Variants in ACSM2B observed in about 807,000 individuals in gnomAD.
ACSM2B encodes the protein acyl-CoA synthetase medium chain family member 2B.
ACSM2B carries 58 observed loss-of-function variants against 78.6 expected under a neutral mutation model. That is an observed-to-expected ratio of 0.74 (90% CI 0.60 to 0.92). ACSM2B has a LOEUF of 0.92. Ranked by LOEUF, ACSM2B falls within the 40% of genes least tolerant of loss-of-function variation. The pLI is 0.00. For synonymous variants in ACSM2B, 257 were observed against 256.8 expected, an observed-to-expected ratio of 1.00 and a Z score of -0.01; for missense variants, 688 against 711.2, an observed-to-expected ratio of 0.97 and a Z score of 0.37.
At chr16:20,570,908 A>T (rs1464047507) in intron 1 of ACSM2B, among the ~76,000 whole-genome samples, 1 of 151,780 alleles carries the variant, frequency 6.6e-6, no homozygotes, top group Non-Finnish European at 1.5e-5. Flanking sequence ...CTGTGGTATC[A>T]GTTGTAATAT....
chr16:20,571,093 T>C (rs929942520), intron 1 of ACSM2B, among the ~76,000 whole-genome samples: 6 of 152,084 alleles, frequency 3.9e-5, no homozygotes, highest in African/African-American at 1.4e-4. Context: ...TCTTGGTTAT[T>C]TCCTTTCTTA....
At chr16:20,545,125 G>A in intron 10 of ACSM2B, 32 bp downstream of exon 10, 3 of 1,595,566 alleles carry the variant, frequency 1.9e-6, no homozygotes, top group Non-Finnish European at 2.6e-6. Context: ...ATCCTCACTG[G>A]GGAACAGAGG....
chr16:20,540,536 T>G lies in ACSM2B; in HGVS notation c.1629+118A>C. 2.7e-6 allele frequency: 4 copies of G among 1,506,284 alleles called. No homozygotes were observed. The Admixed American group carries it at 5.8e-5, about 22-fold the overall frequency. The allele number at this position is 1,506,284 out of a possible 1,614,324, so 93.3% of individuals were successfully genotyped here. Reference sequence around the variant, plus strand: ...GGGATTGCAGGTGTCAGCCACCATGTCCGGCCCAGGAAGACTTTTTAAAAT... The same window carrying G: ...GGGATTGCAGGTGTCAGCCACCATGGCCGGCCCAGGAAGACTTTTTAAAAT... On this transcript the variant is annotated intron_variant, in intron 13 of 13. Coordinates refer to ENST00000329697, the MANE Select transcript of ACSM2B (RefSeq NM_001105069.2).
chr16:20,544,593 T>C, intron 10 of ACSM2B: 1 of 985,374 alleles, frequency 1.0e-6, no homozygotes. Flanking sequence ...GGCATGCCCT[T>C]GGGTTCTTCT....
At chr16:20,574,717 G>A (rs2016196778) in intron 1 of ACSM2B, 1 of 147,348 alleles carries the variant, frequency 6.8e-6, no homozygotes. Context: ...GGCTGTGCAT[G>A]CACCTTTCAT....
intron 6 of ACSM2B, among the ~76,000 whole-genome samples, chr16:20,551,931 A>G (rs9940632): frequency 0.13 from 20,233 of 152,122 alleles, 2,972 homozygotes; most frequent in African/African-American, 0.37. Context: ...TCTCCTGAAC[A>G]TACTCCTTTT....
chr16:20,542,464 A>G lies in ACSM2B; in HGVS notation c.1509+450T>C, dbSNP rs570730539. 7.2e-4 allele frequency: 115 copies of G among 159,376 alleles called. 1 individual carries two copies. Among genetic ancestry groups the G allele is most frequent in the African/African-American group, 2.6e-3 (110 of 41,664 alleles). 9.9% of individuals were successfully genotyped at this position (159,376 alleles called of 1,614,324 possible). A position where few individuals can be genotyped will look rare whatever the true frequency, so the allele number is the denominator to read the frequency against. ...CTTTTTTAATGCCAAATAGTATTCC[A>G]TTGTGTATATATACCACATATTATT... On this transcript the variant is annotated intron_variant, in intron 12 of 13. Coordinates refer to ENST00000329697, the MANE Select transcript of ACSM2B (RefSeq NM_001105069.2).
At position 20,576,246 on chromosome 16, in the gene ACSM2B, C is replaced by T. The variant is rs142593364; in HGVS notation, c.-48G>A. On this transcript the variant is annotated 5_prime_UTR_variant, in exon 1 of 14. Transcript: ENST00000329697. ...CAGGATGTCTTTCTGGAGAGAGCTTCGTCCACCCTCCTCTCCAGCCAGCAG... is the reference window on the plus strand; with the variant it reads ...CAGGATGTCTTTCTGGAGAGAGCTTTGTCCACCCTCCTCTCCAGCCAGCAG... 16,202 of 151,564 alleles carry T rather than the reference C, an allele frequency of 0.11. 1,851 individuals carry two copies. Among genetic ancestry groups the T allele is most frequent in the African/African-American group, 0.28 (11,475 of 40,868 alleles). The allele number at this position is 151,564 out of a possible 1,614,324, so 9.4% of individuals were successfully genotyped here. A position where few individuals can be genotyped will look rare whatever the true frequency, so the allele number is the denominator to read the frequency against.
chr16:20,543,506 T>C (rs2015056858), intron 10 of ACSM2B, among the ~76,000 whole-genome samples: 2 of 152,220 alleles, frequency 1.3e-5, no homozygotes, highest in Non-Finnish European at 2.9e-5. Context: ...GTCTGATGGA[T>C]ATTATTGATG....
intron 13 of ACSM2B, among the ~76,000 whole-genome samples, chr16:20,538,392 T>C (rs373758547): frequency 9.9e-5 from 15 of 152,206 alleles, no homozygotes; most frequent in African/African-American, 3.4e-4. Flanking sequence ...ACCTTTAGCA[T>C]TGCCTGGGCA....
At chr16:20,549,954 CTT>C (rs1203101771) in intron 6 of ACSM2B, 1 of 334,724 alleles carries the variant, frequency 3.0e-6, no homozygotes, top group African/African-American at 2.2e-5. Context: ...GCACAGGAAG[CTT>C]TTAGGTACTG....
chr16:20,560,567 G>C (rs765904438), intron 2 of ACSM2B, among the ~76,000 whole-genome samples: 1 of 151,990 alleles, frequency 6.6e-6, no homozygotes, highest in African/African-American at 2.4e-5. Context: ...AGAACTTTGG[G>C]CCAATTAAAT....
chr16:20,576,159 T>C (rs2016243927), intron 1 of ACSM2B, 48 bp downstream of exon 1: 1 of 151,250 alleles, frequency 6.6e-6, no homozygotes, highest in East Asian at 2.0e-4. Context: ...TTGGTGAGGT[T>C]ATCATGGATT....
intron 2 of ACSM2B, among the ~76,000 whole-genome samples, chr16:20,560,968 T>A (rs2015635691): frequency 1.3e-5 from 2 of 152,078 alleles, no homozygotes; most frequent in Non-Finnish European, 2.9e-5. Context: ...TCTGTGGAAG[T>A]TTTAACGTAA....
At chr16:20,560,730 T>G (rs77075778) in intron 2 of ACSM2B, among the ~76,000 whole-genome samples, 1 of 151,990 alleles carries the variant, frequency 6.6e-6, no homozygotes, top group African/African-American at 2.4e-5. Context: ...GGGAAGAAAT[T>G]GAAGAGTTTG....
intron 5 of ACSM2B, 64 bp downstream of exon 5, chr16:20,553,713 G>T (rs2015384167): frequency 1.3e-6 from 2 of 1,575,662 alleles, no homozygotes; most frequent in African/African-American, 1.4e-5. Flanking sequence ...CATTGGATTT[G>T]AACTCAGAAA....
rs769920680 is a variant in ACSM2B at position 20,543,276 on chromosome 16, A to G, written c.1282-14T>C. On this transcript the variant is annotated splice_polypyrimidine_tract_variant and intron_variant, in intron 10 of 13. Transcript: ENST00000329697. ...GTCGGGATTTTCCTGGTGACCACAG[A>G]AAGACAGAGTCATTGTGCCTGCAAA... The G allele has an allele frequency of 2.5e-6, 4 of 1,612,078 alleles. No homozygotes were observed. The highest frequency in any genetic ancestry group is 1.1e-5 in the South Asian group (1 of 90,942).
At chr16:20,562,029 C>T (rs527447206) in intron 2 of ACSM2B, among the ~76,000 whole-genome samples, 6 of 151,774 alleles carry the variant, frequency 4.0e-5, no homozygotes, top group South Asian at 2.1e-4. Context: ...TATTTGTTGA[C>T]AGATATTTGG....
intron 1 of ACSM2B, among the ~76,000 whole-genome samples, chr16:20,573,039 TG>T (rs1451400403): frequency 6.6e-6 from 1 of 151,254 alleles, no homozygotes; most frequent in African/African-American, 2.4e-5. Context: ...GCTTAATAAT[TG>T]CCCTTCTGAA....
Sources: allele counts gnomAD v4.1 joint callset (sites outside exome capture counted in the v4.1 genomes callset), GRCh38; gene constraint gnomAD v4.1.1; transcripts MANE v1.5; gene names NCBI Gene and HGNC (gene_info 2026-07-23, HGNC 2026-07-21).